SORCS2: variants seen among roughly 807,000 people sequenced by gnomAD.
The protein encoded by SORCS2 is sortilin related VPS10 domain containing receptor 2.
Under a neutral mutation model 141.6 loss-of-function variants are expected in SORCS2, and 100 were observed. That is an observed-to-expected ratio of 0.71 (90% CI 0.60 to 0.83). The LOEUF is 0.83. Among genes scored for constraint, SORCS2 ranks in the 40% least tolerant of loss-of-function variants. The pLI is 0.00. For missense variants in SORCS2, 1,646 were observed against 1,560.2 expected (o/e 1.05, Z -0.93); for synonymous variants, 789 against 676.9 (o/e 1.17, Z -2.57).
Position 7,461,525 on chromosome 4 carries a change from T to C in SORCS2, c.548+65170T>C, listed in dbSNP as rs1729311003. ...GGACTCACGCCGCACTGTGCTGGGA[T>C]TTTCATGCACGTGACAAAATCACAT... On this transcript the variant is annotated intron_variant, in intron 2 of 26. Transcript: ENST00000507866. Among the ~76,000 whole-genome samples the C allele has an allele frequency of 2.0e-5, 3 of 152,212 alleles. No individual in the cohort carries two copies. The South Asian group carries it at 6.2e-4, about 31-fold the overall frequency.
At chr4:7,633,260 A>G (rs1482489264) in intron 3 of SORCS2, among the ~76,000 whole-genome samples, 1 of 152,144 alleles carries the variant, frequency 6.6e-6, no homozygotes, top group Non-Finnish European at 1.5e-5. Context: ...GGAGACACAC[A>G]AGGAGTTTGC....
intron 2 of SORCS2, among the ~76,000 whole-genome samples, chr4:7,426,945 T>C (rs1315220219): frequency 6.6e-6 from 1 of 152,160 alleles, no homozygotes; most frequent in South Asian, 2.1e-4. Context: ...TTTGGAGCGA[T>C]GGGGCCCTGA....
chr4:7,257,756 C>T (rs1025762864), intron 1 of SORCS2, among the ~76,000 whole-genome samples: 2 of 152,326 alleles, frequency 1.3e-5, no homozygotes, highest in Admixed American at 1.3e-4. Context: ...CTCCCCCAGC[C>T]CCTTGTCCTT....
intron 5 of SORCS2, among the ~76,000 whole-genome samples, chr4:7,656,186 A>C (rs1721763369): frequency 6.6e-6 from 1 of 152,220 alleles, no homozygotes; most frequent in African/African-American, 2.4e-5. Context: ...CAGACTCATT[A>C]ACGTTTTGTG....
In SORCS2 at chr4:7,538,587, TCACA is replaced by T. The variant is rs34526550; in HGVS notation, c.648+6979_648+6982del. 1.3e-3 allele frequency among the ~76,000 whole-genome samples: 188 copies of T among 150,382 alleles called. 2 individuals are homozygous for T. Among genetic ancestry groups the T allele is most frequent in the African/African-American group, 4.0e-3 (163 of 40,978 alleles). The stretch of plus-strand genomic sequence containing the variant: ...ATCAGTGTTGGCTTGAATATTAAAA[TCACA>T]CACACACACACACACACACATTTTC... On this transcript the variant is annotated intron_variant, in intron 3 of 26. Transcript: ENST00000507866.
At chr4:7,670,176 C>T (rs1423646380) in intron 8 of SORCS2, among the ~76,000 whole-genome samples, 1 of 152,206 alleles carries the variant, frequency 6.6e-6, no homozygotes, top group Non-Finnish European at 1.5e-5. Context: ...ATAGCTTTGC[C>T]ATGTTTTTCT....
At chr4:7,472,495 G>A (rs1443739161) in intron 2 of SORCS2, among the ~76,000 whole-genome samples, 1 of 151,922 alleles carries the variant, frequency 6.6e-6, no homozygotes, top group African/African-American at 2.4e-5. Context: ...TGGCAAGCGG[G>A]GGACAAGATC....
chr4:7,625,279 C>T (rs1414238904), intron 3 of SORCS2, among the ~76,000 whole-genome samples: 1 of 152,094 alleles, frequency 6.6e-6, no homozygotes, highest in African/African-American at 2.4e-5. Flanking sequence ...GGCTGGACGC[C>T]AGCTCCGAGT....
chr4:7,507,801 CG>C (rs1404963148), intron 2 of SORCS2, among the ~76,000 whole-genome samples: 1 of 152,046 alleles, frequency 6.6e-6, no homozygotes, highest in Non-Finnish European at 1.5e-5. Context: ...GGCTGGAACA[CG>C]GGGTTGGGTC....
At chr4:7,247,979 C>T (rs979608156) in intron 1 of SORCS2, among the ~76,000 whole-genome samples, 1 of 152,240 alleles carries the variant, frequency 6.6e-6, no homozygotes, top group African/African-American at 2.4e-5. Flanking sequence ...CAGGAAGAGT[C>T]CCTCTGGGGA....
intron 9 of SORCS2, among the ~76,000 whole-genome samples, chr4:7,677,212 C>T (rs910675994): frequency 2.0e-5 from 3 of 152,188 alleles, no homozygotes; most frequent in Non-Finnish European, 2.9e-5. Flanking sequence ...CTGGGTCCCC[C>T]TCGGCCTCCC....
chr4:7,365,692 C>T (rs954664158), intron 1 of SORCS2, among the ~76,000 whole-genome samples: 3 of 152,274 alleles, frequency 2.0e-5, no homozygotes, highest in South Asian at 2.1e-4. Flanking sequence ...GGCACCCCGG[C>T]GTGCAGGCTT....
chr4:7,524,663 T>C (rs1389635996), intron 2 of SORCS2, among the ~76,000 whole-genome samples: 3 of 151,842 alleles, frequency 2.0e-5, no homozygotes, highest in Non-Finnish European at 4.4e-5. Flanking sequence ...GCCGCCGCCC[T>C]TGTTCTTTCC....
chr4:7,585,176 T>C (rs1716453792), intron 3 of SORCS2, among the ~76,000 whole-genome samples: 2 of 152,156 alleles, frequency 1.3e-5, no homozygotes, highest in Admixed American at 1.3e-4. Flanking sequence ...TTTTCTTTAG[T>C]GGGGAATGGG....
At chr4:7,431,657 C>T (rs560723911) in intron 2 of SORCS2, 2 of 152,280 alleles carry the variant, frequency 1.3e-5, no homozygotes, top group Non-Finnish European at 2.9e-5. Context: ...TCCCATGGCC[C>T]ATCCGGTGGC....
At chr4:7,441,169 G>A (rs375821088) in intron 2 of SORCS2, among the ~76,000 whole-genome samples, 3 of 152,332 alleles carry the variant, frequency 2.0e-5, no homozygotes, top group South Asian at 4.1e-4. Context: ...GTAGCAGGGA[G>A]GGTCAGAGGG....
chr4:7,346,407 G>A (rs1200965697), intron 1 of SORCS2, among the ~76,000 whole-genome samples: 3 of 152,162 alleles, frequency 2.0e-5, no homozygotes, highest in Non-Finnish European at 4.4e-5. Flanking sequence ...AACATACTTA[G>A]AATGATTCCA....
At chr4:7,647,715 G>C (rs1721170822) in intron 4 of SORCS2, among the ~76,000 whole-genome samples, 1 of 152,202 alleles carries the variant, frequency 6.6e-6, no homozygotes, top group Non-Finnish European at 1.5e-5. Flanking sequence ...CAGCCACCCA[G>C]GATTTGCTAC....
At chr4:7,252,700 T>C (rs1013710807) in intron 1 of SORCS2, among the ~76,000 whole-genome samples, 1 of 152,062 alleles carries the variant, frequency 6.6e-6, no homozygotes, top group Admixed American at 6.5e-5. Flanking sequence ...CGGGAGGGAT[T>C]GGCATTGTGC....
Sources: allele counts gnomAD v4.1 joint callset (sites outside exome capture counted in the v4.1 genomes callset), GRCh38; gene constraint gnomAD v4.1.1; transcripts MANE v1.5; gene names NCBI Gene and HGNC (gene_info 2026-07-23, HGNC 2026-07-21).